MEF2A: variants seen among roughly 807,000 people sequenced by gnomAD.
The protein encoded by MEF2A is myocyte-specific enhancer factor 2A.
Under a neutral mutation model 55.8 loss-of-function variants are expected in MEF2A, and 28 were observed. The observed-to-expected ratio is 0.50, with a 90% CI of 0.37 to 0.69. The LOEUF is 0.69. MEF2A is among the 30% of genes least tolerant of loss of function. The probability of loss-of-function intolerance (pLI) is 0.00; values close to 1 mark genes in which losing one functional copy is unlikely to be tolerated. For missense variants in MEF2A, 528 were observed against 626.2 expected, an observed-to-expected ratio of 0.84 and a Z score of 1.67; for synonymous variants, 239 against 227.1, an observed-to-expected ratio of 1.05 and a Z score of -0.47.
At chr15:99,697,565 G>T (rs2056684062) in intron 8 of MEF2A, among the ~76,000 whole-genome samples, 1 of 151,886 alleles carries the variant, frequency 6.6e-6, no homozygotes, top group African/African-American at 2.4e-5. Flanking sequence ...GCAAAACACT[G>T]ATGAAAGAAA....
intron 8 of MEF2A, among the ~76,000 whole-genome samples, chr15:99,699,688 G>A (rs970612468): frequency 1.3e-5 from 2 of 152,148 alleles, no homozygotes; most frequent in Non-Finnish European, 1.5e-5. Flanking sequence ...CTTTTGACTG[G>A]ATACTGTAAG....
intron 8 of MEF2A, among the ~76,000 whole-genome samples, chr15:99,695,656 T>A (rs2056349595): frequency 6.6e-6 from 1 of 151,552 alleles, no homozygotes; most frequent in Non-Finnish European, 1.5e-5. Context: ...GGTCGAGAGT[T>A]CGAGACCAGC....
chr15:99,595,447 G>T (rs1175959114), intron 1 of MEF2A, among the ~76,000 whole-genome samples: 1 of 151,760 alleles, frequency 6.6e-6, no homozygotes, highest in Non-Finnish European at 1.5e-5. Flanking sequence ...TGTACTATAG[G>T]TCTCCCCACT....
Position 99,710,716 on chromosome 15 carries a change from C to T in MEF2A, c.1092C>T (p.Ala364=). 2 of 1,613,192 alleles carry T rather than the reference C, an allele frequency of 1.2e-6. No homozygotes were observed. Among genetic ancestry groups the T allele is most frequent in the Non-Finnish European group, 1.7e-6 (2 of 1,179,186 alleles). The change falls in exon 11 of 12, where the codon GCC becomes GCT. Residue 364 remains alanine, a synonymous_variant. Coordinates refer to ENST00000557942, the MANE Select transcript of MEF2A (RefSeq NM_001319206.4). ...TGCTGTCGCTGGGACAGGTGTCGGC[C>T]TGGCAGCAGCACCACCTAGGACAAG... ...PGMLSLGQVS[A]WQQHHLGQAA...
chr15:99,569,495 A>C (rs767629781), intron 1 of MEF2A, among the ~76,000 whole-genome samples: 1 of 152,238 alleles, frequency 6.6e-6, no homozygotes, highest in Non-Finnish European at 1.5e-5. Flanking sequence ...AAAACGCTTA[A>C]TTGGCTGTTT....
At chr15:99,672,449 A>G (rs945866660) in intron 5 of MEF2A, among the ~76,000 whole-genome samples, 3 of 152,250 alleles carry the variant, frequency 2.0e-5, no homozygotes, top group East Asian at 1.9e-4. Flanking sequence ...TGGAAGCTCC[A>G]TTGGCAAGAG....
intron 1 of MEF2A, among the ~76,000 whole-genome samples, chr15:99,583,174 T>C (rs1966432631): frequency 6.6e-6 from 1 of 152,144 alleles, no homozygotes; most frequent in South Asian, 2.1e-4. Context: ...TTTAAATAGA[T>C]AGAACCCTAT....
In MEF2A at chr15:99,602,729, TGGGGGG is replaced by T. The variant is rs1160691873; in HGVS notation, c.-143+4220_-143+4225del. Among the ~76,000 whole-genome samples, 4 of 18,794 alleles carry T rather than the reference TGGGGGG, an allele frequency of 2.1e-4. 1 individual carries two copies. The highest frequency in any genetic ancestry group is 6.1e-4 in the African/African-American group (4 of 6,568). The allele number at this position is 18,794 out of a possible 152,430, so 12.3% of individuals were successfully genotyped here. A position where few individuals can be genotyped will look rare whatever the true frequency, so the allele number is the denominator to read the frequency against. On this transcript the variant is annotated intron_variant, in intron 2 of 11. Transcript: ENST00000557942. ...GTGGGGAGCTTTTTGTGTGTGTGTGTGGGGGGGTGGGGGTGGGGAGCTTTTCGTGTG... is the reference window on the plus strand; with the variant it reads ...GTGGGGAGCTTTTTGTGTGTGTGTGTGTGGGGGTGGGGAGCTTTTCGTGTG...
At position 99,712,885 on chromosome 15, in the gene MEF2A, A is replaced by T; in HGVS notation, c.*114A>T. ...TATTTATATGTACATACATATATATATCCCTTTACATATATATGTATGTGG... is the reference window on the plus strand; with the variant it reads ...TATTTATATGTACATACATATATATTTCCCTTTACATATATATGTATGTGG... On this transcript the variant is annotated 3_prime_UTR_variant, in exon 12 of 12. Coordinates refer to ENST00000557942, the MANE Select transcript of MEF2A (RefSeq NM_001319206.4). This position sits in a 1 kb window ranked among gnomAD's most constrained non-coding sequence, Gnocchi z 4.1. 1 of 1,119,868 alleles carries T rather than the reference A, an allele frequency of 8.9e-7. No individual in the cohort carries two copies. Among genetic ancestry groups the T allele is most frequent in the South Asian group, 1.6e-5 (1 of 61,324 alleles). The allele number at this position is 1,119,868 out of a possible 1,614,324, so 69.4% of individuals were successfully genotyped here. A position where few individuals can be genotyped will look rare whatever the true frequency, so the allele number is the denominator to read the frequency against.
chr15:99,661,240 A>G, intron 4 of MEF2A, among the ~76,000 whole-genome samples: 1 of 152,286 alleles, frequency 6.6e-6, no homozygotes, highest in East Asian at 1.9e-4. Context: ...TATAGACCTA[A>G]ATGTAAAAGG....
intron 7 of MEF2A, among the ~76,000 whole-genome samples, chr15:99,676,574 TTG>T (rs2052092177): frequency 1.1e-5 from 1 of 94,054 alleles, no homozygotes; most frequent in African/African-American, 2.7e-5. Flanking sequence ...TCATACAGTT[TTG>T]TTTTTTTTTT....
intron 8 of MEF2A, among the ~76,000 whole-genome samples, chr15:99,702,085 T>C (rs2057453869): frequency 6.6e-6 from 1 of 152,254 alleles, no homozygotes; most frequent in Non-Finnish European, 1.5e-5. Context: ...ACAGCTATAA[T>C]GTTAGACAGT....
In MEF2A at chr15:99,714,946, G is replaced by C. The variant is rs750358758; in HGVS notation, c.*2175G>C. On this transcript the variant is annotated 3_prime_UTR_variant, in exon 12 of 12. Coordinates refer to ENST00000557942, the MANE Select transcript of MEF2A (RefSeq NM_001319206.4). ...CCTGCGCACCACAGGCTGCAAACTG[G>C]AGGTTCTGTTCTCATGGCAGTTTGG... 6.6e-6 allele frequency: 1 copy of C among 152,002 alleles called. No homozygotes were observed. Among genetic ancestry groups the C allele is most frequent in the Non-Finnish European group, 1.5e-5 (1 of 68,042 alleles). The allele number at this position is 152,002 out of a possible 1,614,324, so 9.4% of individuals were successfully genotyped here.
chr15:99,589,010 A>G (rs1175093134), intron 1 of MEF2A, among the ~76,000 whole-genome samples: 1 of 152,198 alleles, frequency 6.6e-6, no homozygotes, highest in Non-Finnish European at 1.5e-5. Flanking sequence ...TGACACTGGT[A>G]TGAAGTTTCT....
At chr15:99,636,182 T>A (rs1008828223) in intron 3 of MEF2A, among the ~76,000 whole-genome samples, 1 of 152,156 alleles carries the variant, frequency 6.6e-6, no homozygotes, top group African/African-American at 2.4e-5. Context: ...CATTTAGATA[T>A]ATATCTTCTG....
intron 2 of MEF2A, among the ~76,000 whole-genome samples, chr15:99,614,624 A>G (rs2039888867): frequency 6.6e-6 from 1 of 152,210 alleles, no homozygotes; most frequent in Admixed American, 6.5e-5. Flanking sequence ...GGTAAATGCC[A>G]TAAGAGAGAA....
chr15:99,699,095 G>A (rs141457868), intron 8 of MEF2A, among the ~76,000 whole-genome samples: 7 of 151,678 alleles, frequency 4.6e-5, no homozygotes, highest in African/African-American at 7.3e-5. Context: ...TGTACAATCC[G>A]GTAATGCCAC....
rs934840012 is a variant in MEF2A, at chr15:99,622,107, T to C, written c.-142-10871T>C. 3.3e-5 allele frequency among the ~76,000 whole-genome samples: 5 copies of C among 152,198 alleles called. No individual in the cohort carries two copies. In the East Asian group the frequency reaches 9.6e-4, roughly 29 times the overall value. Reference sequence around the variant, plus strand: ...AGTATTAAATTGGTCTGAATATGAGTGCTAGATTCTATGATATCTTTTAAA... The same window carrying C: ...AGTATTAAATTGGTCTGAATATGAGCGCTAGATTCTATGATATCTTTTAAA... On this transcript the variant is annotated intron_variant, in intron 2 of 11. Coordinates refer to ENST00000557942, the MANE Select transcript of MEF2A (RefSeq NM_001319206.4).
intron 10 of MEF2A, 102 bp from the exon 11 acceptor site, chr15:99,710,532 C>A: frequency 6.9e-7 from 1 of 1,449,842 alleles, no homozygotes; most frequent in Non-Finnish European, 9.4e-7. Flanking sequence ...CATGAGCCAG[C>A]ATGGCTGGCC....
Sources: gnomAD v4.1 joint callset for allele counts (sites outside exome capture counted in the v4.1 genomes callset) on GRCh38, gnomAD v4.1.1 for gene constraint, Gnocchi (gnomAD v3.1) non-coding constraint, MANE v1.5 for transcripts, NCBI Gene and HGNC (gene_info 2026-07-23, HGNC 2026-07-21) for gene names.